The following CLIC5 variants were observed in gnomAD, a reference collection of about 807,000 sequenced individuals.
CLIC5 encodes the protein CLIC family member 5.
A neutral mutation model predicts 24.7 loss-of-function variants in CLIC5; 20 were observed. The observed-to-expected ratio is 0.81, with a 90% CI of 0.57 to 1.18. The LOEUF (loss-of-function observed/expected upper bound fraction) is 1.18. Among genes scored for constraint, CLIC5 ranks in the 50% most tolerant of loss-of-function variants. The pLI, the probability that CLIC5 is intolerant of heterozygous loss-of-function variation, is 0.00. For missense variants in CLIC5, 341 were observed against 326.1 expected, an observed-to-expected ratio of 1.05 and a Z score of -0.35; for synonymous variants, 159 against 135.6, an observed-to-expected ratio of 1.17 and a Z score of -1.20.
rs1215921341 is a variant in CLIC5, at chr6:45,900,665, A to G, written c.*2423T>C. 2.6e-5 allele frequency: 4 copies of G among 152,142 alleles called. No homozygotes were observed. Among genetic ancestry groups the G allele is most frequent in the African/African-American group, 9.7e-5 (4 of 41,424 alleles). 9.4% of individuals were successfully genotyped at this position (152,142 alleles called of 1,614,324 possible). A position where few individuals can be genotyped will look rare whatever the true frequency, so the allele number is the denominator to read the frequency against. ...TATGATAATCCAGTGCTGAAATATAAAGAAATTTCTGAATTAAGTACCCAG... is the reference window on the plus strand; with the variant it reads ...TATGATAATCCAGTGCTGAAATATAGAGAAATTTCTGAATTAAGTACCCAG... On this transcript the variant is annotated 3_prime_UTR_variant, in exon 6 of 6. Coordinates refer to ENST00000339561, the MANE Select transcript of CLIC5 (RefSeq NM_016929.5).
chr6:45,892,008 A>AT (rs1489961098), intron 6 of CLIC5: 1 of 152,216 alleles, frequency 6.6e-6, no homozygotes, highest in African/African-American at 2.4e-5. Flanking sequence ...AGGGTTTCCC[A>AT]TACTGTGTGC....
chr6:46,107,562 TAATAA>T, the CLIC5 span, among the ~76,000 whole-genome samples: 8 of 152,290 alleles, frequency 5.3e-5, no homozygotes, highest in African/African-American at 1.9e-4. Context: ...CTAGATATAT[TAATAA>T]AATAAACAGT....
Position 45,903,089 on chromosome 6 carries a change from C to A in CLIC5, c.755G>T (p.Ter252LeuextTer23). The A allele has an allele frequency of 6.2e-7, 1 of 1,614,054 alleles. No homozygotes were observed. Among genetic ancestry groups the A allele is most frequent in the South Asian group, 1.1e-5 (1 of 91,076 alleles). Residue 252 changes from the stop codon to leucine (L), a stop_lost, in exon 6 of 6, where the codon TGA becomes TTA. Transcript: ENST00000339561. ...GGGGATGGGGCAAAATGGCTGTGCT[C>A]AGGATCGGCTGAGGCGTTTGGCGAC... ...ADVAKRLSRS* is the reference protein window; with the variant it reads ...ADVAKRLSRSL
At chr6:45,884,397 C>G (rs1561910069) in intron 6 of CLIC5, among the ~76,000 whole-genome samples, 1 of 152,116 alleles carries the variant, frequency 6.6e-6, no homozygotes, top group Admixed American at 6.5e-5. Flanking sequence ...TTGAAATTGT[C>G]TAGGGAAAAA....
intron 4 of CLIC5, among the ~76,000 whole-genome samples, chr6:45,935,690 GT>G (rs1763905662): frequency 6.6e-6 from 1 of 152,202 alleles, no homozygotes; most frequent in Admixed American, 6.5e-5. Context: ...TCCCATGTGG[GT>G]TCCTGATCCA....
In CLIC5 at chr6:46,000,177, T is replaced by C. The variant is rs116219112; in HGVS notation, c.63+15303A>G. ...TGTTATCAGTAAGGCTTCCCATCAG[T>C]AGTAGGCTATTAGTAGTTAAGATTT... is the stretch of plus-strand genomic sequence containing the variant. On this transcript the variant is annotated intron_variant, in intron 1 of 5. Transcript: ENST00000339561. Among the ~76,000 whole-genome samples, 397 of 152,322 alleles carry C rather than the reference T, an allele frequency of 2.6e-3. 2 individuals are homozygous for C. The highest frequency in any genetic ancestry group is 9.1e-3 in the African/African-American group (380 of 41,564).
chr6:45,981,386 C>A (rs1233551071), intron 1 of CLIC5, among the ~76,000 whole-genome samples: 1 of 151,820 alleles, frequency 6.6e-6, no homozygotes, highest in Non-Finnish European at 1.5e-5. Context: ...AAATAAGGAG[C>A]CAGAAGTAAG....
At chr6:45,973,671 G>T (rs958369563) in intron 1 of CLIC5, among the ~76,000 whole-genome samples, 1 of 152,172 alleles carries the variant, frequency 6.6e-6, no homozygotes, top group African/African-American at 2.4e-5. Flanking sequence ...GGGCACAGTG[G>T]CCCATGCCTG....
chr6:45,981,286 G>A (rs1307093194), intron 1 of CLIC5, among the ~76,000 whole-genome samples: 1 of 151,590 alleles, frequency 6.6e-6, no homozygotes, highest in Non-Finnish European at 1.5e-5. Context: ...CTGTCTTATT[G>A]CTATTTCATT....
the CLIC5 span, among the ~76,000 whole-genome samples, chr6:46,108,022 A>C: frequency 6.8e-6 from 1 of 146,318 alleles, no homozygotes; most frequent in East Asian, 2.0e-4. Context: ...CAACAAGAGC[A>C]AAACTCCATC....
chr6:46,055,530 G>A (rs754355725), intron 1 of CLIC5, among the ~76,000 whole-genome samples: 4 of 152,210 alleles, frequency 2.6e-5, no homozygotes, highest in Non-Finnish European at 5.9e-5. Context: ...GAGCCACCGC[G>A]CCAGGCCATC....
chr6:46,041,417 T>A (rs961883080), intron 1 of CLIC5, among the ~76,000 whole-genome samples: 1 of 152,172 alleles, frequency 6.6e-6, no homozygotes, highest in Admixed American at 6.5e-5. Flanking sequence ...TCAGTCCAAA[T>A]AACTGGCTCC....
chr6:45,912,978 T>C (rs1762876260), intron 5 of CLIC5, among the ~76,000 whole-genome samples: 1 of 152,252 alleles, frequency 6.6e-6, no homozygotes, highest in African/African-American at 2.4e-5. Flanking sequence ...CAGCTCAAGC[T>C]GGTACATGCT....
At chr6:45,933,309 A>C (rs1763813856) in intron 4 of CLIC5, among the ~76,000 whole-genome samples, 1 of 152,202 alleles carries the variant, frequency 6.6e-6, no homozygotes, top group South Asian at 2.1e-4. Context: ...ATTGGAGAGA[A>C]AGGAGAAGCA....
chr6:45,911,717 T>C (rs1385730436), intron 5 of CLIC5: 1 of 985,318 alleles, frequency 1.0e-6, no homozygotes, highest in Non-Finnish European at 1.2e-6. Flanking sequence ...ATACTTCTAT[T>C]GATGTTGGTG....
At chr6:45,897,535 T>C (rs1762409944), downstream of CLIC5, among the ~76,000 whole-genome samples, 1 of 152,174 alleles carries the variant, frequency 6.6e-6, no homozygotes, top group Admixed American at 6.5e-5. Flanking sequence ...CTGCATCTAC[T>C]GCACCTGTCC....
At chr6:46,125,992 T>C in the CLIC5 span, among the ~76,000 whole-genome samples, 1 of 152,160 alleles carries the variant, frequency 6.6e-6, no homozygotes, top group Non-Finnish European at 1.5e-5. Flanking sequence ...TAAAATTGGC[T>C]CCAAAAGGCC....
At chr6:46,077,041 G>C (rs1762789238) in intron 1 of CLIC5, among the ~76,000 whole-genome samples, 1 of 151,852 alleles carries the variant, frequency 6.6e-6, no homozygotes, top group Non-Finnish European at 1.5e-5. Flanking sequence ...GGAGGCAGAG[G>C]TTGCAGTGAG....
chr6:46,044,679 C>T (rs945269948), intron 1 of CLIC5, among the ~76,000 whole-genome samples: 1 of 152,122 alleles, frequency 6.6e-6, no homozygotes, highest in Non-Finnish European at 1.5e-5. Context: ...ACTTCTCTAA[C>T]TAAACAGTCA....
Sources: gnomAD v4.1 joint callset for allele counts (sites outside exome capture counted in the v4.1 genomes callset) on GRCh38, gnomAD v4.1.1 for gene constraint, MANE v1.5 for transcripts, NCBI Gene and HGNC (gene_info 2026-07-23, HGNC 2026-07-21) for gene names.